Variants in SP140L observed in about 807,000 individuals in gnomAD.
SP140L encodes the protein nuclear body protein SP140-like protein.
In SP140L, 64 loss-of-function variants were observed where a neutral mutation model predicts 84.3. The ratio of observed to expected loss-of-function variants is 0.76; its 90% CI spans 0.62 to 0.94. The LOEUF (loss-of-function observed/expected upper bound fraction) is 0.94. SP140L is among the 40% of genes least tolerant of loss of function. The pLI, the probability that SP140L is intolerant of heterozygous loss-of-function variation, is 0.00. For missense variants in SP140L, 628 were observed against 692.5 expected (o/e 0.91, Z 1.05); for synonymous variants, 242 against 236.9 (o/e 1.02, Z -0.20).
chr2:230,377,105 A>T (rs778244255), intron 7 of SP140L, among the ~76,000 whole-genome samples: 16 of 152,322 alleles, frequency 1.1e-4, no homozygotes, highest in South Asian at 4.1e-4. Flanking sequence ...CATGATATGT[A>T]TCATTTCCAT....
At chr2:230,386,117 C>T (rs1263881636) in intron 9 of SP140L, among the ~76,000 whole-genome samples, 1 of 152,186 alleles carries the variant, frequency 6.6e-6, no homozygotes, top group East Asian at 1.9e-4. Context: ...AGAAATAGAG[C>T]TTTTCTTCTA....
intron 2 of SP140L, among the ~76,000 whole-genome samples, chr2:230,347,687 C>A (rs866740873): frequency 6.6e-6 from 1 of 152,146 alleles, no homozygotes; most frequent in Non-Finnish European, 1.5e-5. Flanking sequence ...TGGTCAAGGA[C>A]GTATGTTAGG....
rs368894829 is a variant in SP140L at position 230,357,806 on chromosome 2, C to T, written c.109C>T (p.Leu37=). 2.5e-6 allele frequency: 4 copies of T among 1,604,726 alleles called. No homozygotes were observed. Among genetic ancestry groups the T allele is most frequent in the African/African-American group, 1.3e-5 (1 of 74,232 alleles). The change falls in exon 3 of 19, where the codon CTG becomes TTG. Residue 37 remains leucine (L), a splice_region_variant and synonymous_variant. Coordinates refer to ENST00000415673, the MANE Select transcript of SP140L (RefSeq NM_138402.6). ...LPAHSQSLQR[L]FTEDQDVDEG... ...TCATTTGGTGTCCTTTTTCCTTAGG[C>T]TGTTCACGGAAGACCAGGATGTAGA...
intron 2 of SP140L, among the ~76,000 whole-genome samples, chr2:230,351,449 C>A (rs1472393022): frequency 2.0e-5 from 3 of 152,168 alleles, no homozygotes; most frequent in African/African-American, 4.8e-5. Flanking sequence ...TATTAGCAGA[C>A]TTTAGTCTTT....
In SP140L at chr2:230,327,212, C is replaced by G. The variant is rs1575415374; in HGVS notation, c.-58C>G. On this transcript the variant is annotated 5_prime_UTR_variant, in exon 1 of 19. Coordinates refer to ENST00000415673, the MANE Select transcript of SP140L (RefSeq NM_138402.6). ...GCAGCCACACTGCACGCAGGCTGGG[C>G]CGACTGGGGAGCTCATAGGCCAGGC... The G allele has an allele frequency of 6.4e-7, 1 of 1,569,852 alleles. No homozygotes were observed. Among genetic ancestry groups the G allele is most frequent in the South Asian group, 1.2e-5 (1 of 86,034 alleles).
chr2:230,361,565 C>T (rs2060717590), intron 4 of SP140L, 49 bp from the exon 5 acceptor site: 5 of 1,443,086 alleles, frequency 3.5e-6, no homozygotes, highest in Non-Finnish European at 4.8e-6. Flanking sequence ...GGTGTTGTCC[C>T]TGGTTCTCAC....
chr2:230,351,918 A>T (rs2149715781), intron 2 of SP140L, among the ~76,000 whole-genome samples: 1 of 152,304 alleles, frequency 6.6e-6, no homozygotes, highest in East Asian at 1.9e-4. Flanking sequence ...GAGTGCTGGG[A>T]CTACAGGCAT....
At chr2:230,400,823 C>T in intron 15 of SP140L, 132 bp from the exon 16 acceptor site, 5 of 1,584,132 alleles carry the variant, frequency 3.2e-6, no homozygotes, top group Non-Finnish European at 4.3e-6. Flanking sequence ...TTCTTGGATA[C>T]TCTGGGAGGT....
chr2:230,334,713 ATG>A (rs36120900), intron 2 of SP140L, among the ~76,000 whole-genome samples: 2 of 151,440 alleles, frequency 1.3e-5, no homozygotes, highest in African/African-American at 2.4e-5. Flanking sequence ...TTAAAATTAT[ATG>A]TATATATATA....
chr2:230,348,641 T>G (rs1353332688), intron 2 of SP140L, among the ~76,000 whole-genome samples: 1 of 152,238 alleles, frequency 6.6e-6, no homozygotes, highest in Non-Finnish European at 1.5e-5. Flanking sequence ...TATAATTGGC[T>G]AATATTTTCT....
chr2:230,393,839 AT>A (rs904922599), intron 13 of SP140L, among the ~76,000 whole-genome samples: 1 of 152,098 alleles, frequency 6.6e-6, no homozygotes, highest in African/African-American at 2.4e-5. Flanking sequence ...TCAAAATCAG[AT>A]TTTTTTCATT....
At chr2:230,385,796 C>A (rs2061557424) in intron 9 of SP140L, among the ~76,000 whole-genome samples, 1 of 152,212 alleles carries the variant, frequency 6.6e-6, no homozygotes, top group African/African-American at 2.4e-5. Flanking sequence ...CACCTTCCCT[C>A]CTTCAGCCTG....
chr2:230,393,378 A>G, intron 12 of SP140L, 36 bp from the exon 13 acceptor site: 1 of 1,563,652 alleles, frequency 6.4e-7, no homozygotes, highest in South Asian at 1.2e-5. Context: ...ACAGAAACGC[A>G]GGCTGACTAT....
intron 3 of SP140L, among the ~76,000 whole-genome samples, chr2:230,358,197 A>G (rs796086216): frequency 6.6e-6 from 1 of 152,218 alleles, no homozygotes; most frequent in African/African-American, 2.4e-5. Context: ...AATGTTTTGT[A>G]GAATTCATAC....
At chr2:230,361,589 C>A in intron 4 of SP140L, 25 bp from the exon 5 acceptor site, 1 of 1,537,566 alleles carries the variant, frequency 6.5e-7, no homozygotes, top group Non-Finnish European at 8.8e-7. Flanking sequence ...TCTTTAATTG[C>A]TTTCTTCTCT....
chr2:230,400,044 A>T, intron 14 of SP140L, 83 bp from the exon 15 acceptor site: 1 of 1,407,654 alleles, frequency 7.1e-7, no homozygotes, highest in South Asian at 1.2e-5. Context: ...CTCACACATA[A>T]GCAGTGTGTT....
chr2:230,398,633 G>A (rs72495181), intron 14 of SP140L, among the ~76,000 whole-genome samples: 40,499 of 152,180 alleles, frequency 0.27, 5,757 homozygotes, highest in Non-Finnish European at 0.31. Context: ...ACCTCTGAAC[G>A]TGTATCCTCA....
At chr2:230,343,532 T>G (rs879011321) in intron 2 of SP140L, among the ~76,000 whole-genome samples, 1 of 147,700 alleles carries the variant, frequency 6.8e-6, no homozygotes, top group Non-Finnish European at 1.5e-5. Flanking sequence ...TGAATAGTGC[T>G]GCAATGAGCA....
chr2:230,398,551 G>A (rs113790163), intron 14 of SP140L, among the ~76,000 whole-genome samples: 3,868 of 152,276 alleles, frequency 0.025, 173 homozygotes, highest in African/African-American at 0.087. Flanking sequence ...TGAAAGAAGT[G>A]GCTTGCCACT....
Sources: allele counts gnomAD v4.1 joint callset (sites outside exome capture counted in the v4.1 genomes callset), GRCh38; gene constraint gnomAD v4.1.1; transcripts MANE v1.5; gene names NCBI Gene and HGNC (gene_info 2026-07-23, HGNC 2026-07-21).